LOC400499: variants seen among roughly 807,000 people sequenced by gnomAD.
chr16:11,522,945 A>C, the LOC400499 span, among the ~76,000 whole-genome samples: 1 of 152,204 alleles, frequency 6.6e-6, no homozygotes, highest in Non-Finnish European at 1.5e-5. Flanking sequence ...CCAGGGGATC[A>C]AGCGTGAAAC....
chr16:11,514,252 T>C, the LOC400499 span: 10 of 398,188 alleles, frequency 2.5e-5, no homozygotes, highest in East Asian at 1.8e-4. Flanking sequence ...AGGTCAGAGG[T>C]GTCCAGGCCG....
the LOC400499 span, among the ~76,000 whole-genome samples, chr16:11,473,614 G>C: frequency 2.6e-5 from 4 of 152,198 alleles, no homozygotes; most frequent in East Asian, 7.7e-4. Context: ...AATTAGCCGG[G>C]CTTGGTGGCA....
chr16:11,476,006 G>A, the LOC400499 span, among the ~76,000 whole-genome samples: 1 of 152,216 alleles, frequency 6.6e-6, no homozygotes, highest in Non-Finnish European at 1.5e-5. Flanking sequence ...GGAGTTCTCT[G>A]CAGAGGTAAC....
At chr16:11,471,970 G>C in the LOC400499 span, 3 of 396,998 alleles carry the variant, frequency 7.6e-6, no homozygotes, top group Non-Finnish European at 1.3e-5. Context: ...TGAGGCAGTG[G>C]TGTGTAGACC....
At chr16:11,461,854 G>C in the LOC400499 span, among the ~76,000 whole-genome samples, 2 of 152,316 alleles carry the variant, frequency 1.3e-5, no homozygotes, top group East Asian at 1.9e-4. Flanking sequence ...TAAATGCCCA[G>C]TGTATTTTAG....
chr16:11,445,089 T>TAAAA, the LOC400499 span, among the ~76,000 whole-genome samples: 2 of 143,568 alleles, frequency 1.4e-5, no homozygotes. Flanking sequence ...ACTTTGTCTT[T>TAAAA]AAAAAAAAAA....
chr16:11,460,247 A>C, the LOC400499 span, among the ~76,000 whole-genome samples: 1 of 151,948 alleles, frequency 6.6e-6, no homozygotes, highest in Non-Finnish European at 1.5e-5. Flanking sequence ...CCCAGACTGG[A>C]GTACAGTGGC....
At chr16:11,402,628 ATG>A in the LOC400499 span, among the ~76,000 whole-genome samples, 1 of 152,114 alleles carries the variant, frequency 6.6e-6, no homozygotes, top group Non-Finnish European at 1.5e-5. Context: ...TCAGCTCAGG[ATG>A]TCCTAGCGCA....
the LOC400499 span, among the ~76,000 whole-genome samples, chr16:11,449,315 T>C: frequency 4.6e-5 from 7 of 152,314 alleles, no homozygotes; most frequent in African/African-American, 1.4e-4. Context: ...CTCCTCTCTG[T>C]TGCCCCAACC....
At chr16:11,420,839 TC>T in the LOC400499 span, among the ~76,000 whole-genome samples, 1 of 152,026 alleles carries the variant, frequency 6.6e-6, no homozygotes, top group South Asian at 2.1e-4. Context: ...TTTAACGCCC[TC>T]CCCGATTATG....
the LOC400499 span, chr16:11,393,613 C>G: frequency 8.2e-7 from 1 of 1,222,338 alleles, no homozygotes. Context: ...TGTCCCTGGT[C>G]TCTCCCCTGC....
chr16:11,476,215 T>G, the LOC400499 span, among the ~76,000 whole-genome samples: 1 of 150,824 alleles, frequency 6.6e-6, no homozygotes. Flanking sequence ...AGGAGGGAGA[T>G]GGGCAGAGTC....
chr16:11,378,308 G>A, the LOC400499 span, among the ~76,000 whole-genome samples: 27,233 of 146,754 alleles, frequency 0.19, 3,235 homozygotes, highest in African/African-American at 0.34. Flanking sequence ...GTGTCGCCCA[G>A]GCTGGAGTGC....
At chr16:11,446,185 G>A in the LOC400499 span, among the ~76,000 whole-genome samples, 1 of 151,984 alleles carries the variant, frequency 6.6e-6, no homozygotes, top group Non-Finnish European at 1.5e-5. Flanking sequence ...GTCTTGCTCT[G>A]TTGCCCAGGC....
chr16:11,399,069 T>A, the LOC400499 span: 1 of 345,598 alleles, frequency 2.9e-6, no homozygotes, highest in Non-Finnish European at 4.1e-6. Context: ...ATGGCCTGGT[T>A]CCTGCCCCAA....
At chr16:11,461,933 G>A in the LOC400499 span, among the ~76,000 whole-genome samples, 1 of 152,162 alleles carries the variant, frequency 6.6e-6, no homozygotes, top group South Asian at 2.1e-4. Flanking sequence ...CTATTTTAAG[G>A]TTTGTGGGTG....
the LOC400499 span, chr16:11,457,084 C>T: frequency 8.1e-6 from 12 of 1,474,046 alleles, 1 homozygote; most frequent in South Asian, 8.1e-5. Flanking sequence ...GATCATGCCA[C>T]CCCTGGCGTA....
the LOC400499 span, among the ~76,000 whole-genome samples, chr16:11,503,205 G>A: frequency 6.6e-6 from 1 of 152,026 alleles, no homozygotes; most frequent in Admixed American, 6.6e-5. Context: ...GTGAGCCATC[G>A]CGCCCACCCT....
At chr16:11,387,448 C>G in the LOC400499 span, among the ~76,000 whole-genome samples, 3 of 152,130 alleles carry the variant, frequency 2.0e-5, no homozygotes, top group African/African-American at 7.2e-5. Context: ...TGGGAAATCC[C>G]ATCATGAGGT....
Sources: gnomAD v4.1 joint callset for allele counts (sites outside exome capture counted in the v4.1 genomes callset) on GRCh38, gnomAD v4.1.1 for gene constraint, MANE v1.5 for transcripts.